HIPK3: variants seen among roughly 807,000 people sequenced by gnomAD.
HIPK3 encodes homeodomain interacting protein kinase 3.
Under a neutral mutation model 124.2 loss-of-function variants are expected in HIPK3, and 47 were observed. The observed-to-expected ratio is 0.38, with a 90% confidence interval of 0.30 to 0.48. The LOEUF is 0.48. Ranked by LOEUF, HIPK3 falls within the 20% of genes least tolerant of loss-of-function variation. HIPK3 has a pLI of 0.98. For synonymous variants in HIPK3, 482 were observed against 515.2 expected (o/e 0.94, Z 0.87); for missense variants, 1,286 against 1,454.3 (o/e 0.88, Z 1.88).
rs756547034 is a variant in HIPK3 at position 33,348,733 on chromosome 11, G to C, written c.2581G>C (p.Asp861His). Residue 861 changes from aspartate to histidine, a missense_variant, in exon 13 of 17, where the codon GAC becomes CAC. Asp to His is a moderately conservative substitution (Grantham distance 81, BLOSUM62 -1). Coordinates refer to ENST00000303296, the MANE Select transcript of HIPK3 (RefSeq NM_005734.5). Reference protein sequence around the residue: ...DKQRQTIIIADSPSPAVSVIT... With the variant: ...DKQRQTIIIAHSPSPAVSVIT... ...ACAGCGGCAAACCATCATTATTGCC[G>C]ACTCCCCGAGTCCTGCAGTGAGTGT... 1 of 1,614,084 alleles carries C rather than the reference G, an allele frequency of 6.2e-7. No homozygotes were observed. Among genetic ancestry groups the C allele is most frequent in the Non-Finnish European group, 8.5e-7 (1 of 1,180,006 alleles).
intron 2 of HIPK3, among the ~76,000 whole-genome samples, chr11:33,326,971 A>C (rs180723262): frequency 6.8e-4 from 103 of 152,266 alleles, no homozygotes; most frequent in South Asian, 1.2e-3. Context: ...GTGAGCTACC[A>C]CGCCAAATCT....
intron 3 of HIPK3, among the ~76,000 whole-genome samples, chr11:33,332,839 G>T (rs1436295211): frequency 6.6e-6 from 1 of 152,148 alleles, no homozygotes; most frequent in Non-Finnish European, 1.5e-5. Context: ...AGATTTAATT[G>T]GCTCACAGTT....
At chr11:33,339,600 T>C in intron 6 of HIPK3, 66 bp downstream of exon 6, 1 of 1,152,602 alleles carries the variant, frequency 8.7e-7, no homozygotes. Context: ...AATGACTGCA[T>C]CAGAGAAATT....
intron 3 of HIPK3, among the ~76,000 whole-genome samples, chr11:33,330,408 A>G (rs528044013): frequency 6.6e-6 from 1 of 152,246 alleles, no homozygotes; most frequent in East Asian, 1.9e-4. Context: ...AGCTCACTGC[A>G]ACATCCGCCT....
upstream of HIPK3, chr11:33,256,732 C>G: frequency 2.0e-6 from 2 of 983,310 alleles, no homozygotes; most frequent in Non-Finnish European, 2.4e-6. Context: ...ACTAATTTAA[C>G]GGAGAATTAC....
intron 2 of HIPK3, among the ~76,000 whole-genome samples, chr11:33,291,513 A>C (rs528664221): frequency 6.6e-6 from 1 of 152,332 alleles, no homozygotes; most frequent in African/African-American, 2.4e-5. Context: ...TGACTACTAT[A>C]GATGGTGAGG....
chr11:33,308,641 T>TGTGA (rs752821265), intron 2 of HIPK3, among the ~76,000 whole-genome samples: 4 of 151,614 alleles, frequency 2.6e-5, no homozygotes, highest in Non-Finnish European at 4.4e-5. Context: ...TGTGTGTGTG[T>TGTGA]GAGATTCTGC....
At chr11:33,302,698 T>C (rs1234603991) in intron 2 of HIPK3, among the ~76,000 whole-genome samples, 1 of 152,144 alleles carries the variant, frequency 6.6e-6, no homozygotes, top group East Asian at 1.9e-4. Flanking sequence ...TTCAATAATA[T>C]GAAGAAGATA....
intron 3 of HIPK3, among the ~76,000 whole-genome samples, chr11:33,331,074 G>A (rs1394950057): frequency 6.6e-6 from 1 of 151,756 alleles, no homozygotes; most frequent in East Asian, 1.9e-4. Flanking sequence ...GTAGAGATGG[G>A]GTTTCATCAT....
At chr11:33,258,391 G>T (rs1471840333) in intron 1 of HIPK3, 1 of 985,760 alleles carries the variant, frequency 1.0e-6, no homozygotes, top group Non-Finnish European at 1.2e-6. Context: ...GCCGATGGCC[G>T]CGTCCCGGGC....
intron 1 of HIPK3, among the ~76,000 whole-genome samples, chr11:33,277,642 AATT>A (rs1231868490): frequency 9.8e-5 from 15 of 152,330 alleles, no homozygotes; most frequent in African/African-American, 3.6e-4. Flanking sequence ...AGTGAACATT[AATT>A]TACCTGTTTC....
At chr11:33,274,005 C>T (rs759038699) in intron 1 of HIPK3, among the ~76,000 whole-genome samples, 2 of 152,082 alleles carry the variant, frequency 1.3e-5, no homozygotes, top group Non-Finnish European at 2.9e-5. Context: ...AGTTCTCTTT[C>T]AGGTGTGAAT....
At chr11:33,288,755 T>C (rs955392788) in intron 2 of HIPK3, among the ~76,000 whole-genome samples, 1 of 152,230 alleles carries the variant, frequency 6.6e-6, no homozygotes, top group Non-Finnish European at 1.5e-5. Flanking sequence ...ATTCATAGTT[T>C]GATAACTTTG....
intron 1 of HIPK3, among the ~76,000 whole-genome samples, chr11:33,284,777 G>T (rs981215624): frequency 5.3e-5 from 8 of 152,180 alleles, no homozygotes; most frequent in Middle Eastern, 3.2e-3. Flanking sequence ...GAAATTCCAA[G>T]ATAATTTTGT....
chr11:33,274,359 G>A (rs541342476), intron 1 of HIPK3, among the ~76,000 whole-genome samples: 1 of 152,240 alleles, frequency 6.6e-6, no homozygotes, highest in South Asian at 2.1e-4. Context: ...TAAAAGTTTT[G>A]TGGTGGTTCT....
Position 33,325,905 on chromosome 11 carries a change from C to T in HIPK3, c.1098-2605C>T, listed in dbSNP as rs778368544. On this transcript the variant is annotated intron_variant, in intron 2 of 16. Coordinates refer to ENST00000303296, the MANE Select transcript of HIPK3 (RefSeq NM_005734.5). ...TAATGTGTATACATCCATACACACACTTGAATATTTTGTCAAAAGAATGAA... is the reference window on the plus strand; with the variant it reads ...TAATGTGTATACATCCATACACACATTTGAATATTTTGTCAAAAGAATGAA... Among the ~76,000 whole-genome samples, 70 of 152,150 alleles carry T rather than the reference C, an allele frequency of 4.6e-4. 1 individual carries two copies. Among genetic ancestry groups the T allele is most frequent in the Non-Finnish European group, 8.8e-5 (6 of 68,008 alleles).
intron 2 of HIPK3, among the ~76,000 whole-genome samples, chr11:33,315,514 T>G (rs926044854): frequency 6.6e-6 from 1 of 152,126 alleles, no homozygotes; most frequent in African/African-American, 2.4e-5. Flanking sequence ...CGTGAGCCAC[T>G]GCGCCTGGCC....
chr11:33,349,135 C>T lies in HIPK3; in HGVS notation c.2667-12C>T, dbSNP rs199588055. ...TATTTGACTCATGTTTTTCCCTTTTCTCTTCCACTAGATGTAAAGGTAGTC... is the reference window on the plus strand; with the variant it reads ...TATTTGACTCATGTTTTTCCCTTTTTTCTTCCACTAGATGTAAAGGTAGTC... On this transcript the variant is annotated splice_polypyrimidine_tract_variant and intron_variant, in intron 13 of 16. Transcript: ENST00000303296. 675 of 1,606,536 alleles carry T rather than the reference C, an allele frequency of 4.2e-4. 3 individuals are homozygous for T. In the African/African-American group the frequency reaches 8.2e-3, roughly 19 times the overall value.
At chr11:33,311,860 A>G (rs1386973397) in intron 2 of HIPK3, among the ~76,000 whole-genome samples, 2 of 147,030 alleles carry the variant, frequency 1.4e-5, no homozygotes, top group Admixed American at 6.8e-5. Flanking sequence ...ACACACACAC[A>G]CACACACACT....
Sources: gnomAD v4.1 joint callset for allele counts (sites outside exome capture counted in the v4.1 genomes callset) on GRCh38, gnomAD v4.1.1 for gene constraint, MANE v1.5 for transcripts, NCBI Gene and HGNC (gene_info 2026-07-23, HGNC 2026-07-21) for gene names.